The following NSMCE1 variants were observed in gnomAD, a reference collection of about 807,000 sequenced individuals.
NSMCE1 encodes the protein non-structural maintenance of chromosomes element 1 homolog.
Under a neutral mutation model 29.6 loss-of-function variants are expected in NSMCE1, and 18 were observed. That is an observed-to-expected ratio of 0.61 (90% CI 0.42 to 0.90). The LOEUF (loss-of-function observed/expected upper bound fraction) is 0.90, where lower values mean the gene tolerates loss of function less well. Ranked by LOEUF, NSMCE1 falls within the 40% of genes least tolerant of loss-of-function variation. The pLI is 0.00. For synonymous variants in NSMCE1, 124 were observed against 133.4 expected (o/e 0.93, Z 0.49); for missense variants, 314 against 343.6 (o/e 0.91, Z 0.68).
intron 2 of NSMCE1, among the ~76,000 whole-genome samples, chr16:27,251,198 A>ATG (rs2084030728): frequency 1.3e-5 from 1 of 79,812 alleles, no homozygotes; most frequent in African/African-American, 7.1e-5. Flanking sequence ...ATAAATATAT[A>ATG]TATATATATA....
rs1033710815 is a variant in NSMCE1, at chr16:27,251,451, A to T, written c.136+5984T>A. ...ATATTAATACTAAATCAACCCTGCA[A>T]AATCAGGATAAACCCTACTTGGTTA... On this transcript the variant is annotated intron_variant, in intron 2 of 7. Transcript: ENST00000361439. Among the ~76,000 whole-genome samples the T allele has an allele frequency of 2.0e-5, 3 of 152,170 alleles. No homozygotes were observed. In the South Asian group the frequency reaches 6.2e-4, roughly 32 times the overall value.
chr16:27,238,682 C>G (rs1182689085), intron 2 of NSMCE1, among the ~76,000 whole-genome samples: 2 of 151,886 alleles, frequency 1.3e-5, no homozygotes, highest in Non-Finnish European at 1.5e-5. Context: ...GACAGAGAAC[C>G]CCTATCAGCC....
rs560702852 is a variant in NSMCE1, at chr16:27,256,203, G to A, written c.136+1232C>T. ...TTCTTTTGAAAATTAAAAATACAGA[G>A]AGAAAGGCAGAATAAGGCAGAATAA... is the stretch of plus-strand genomic sequence containing the variant. On this transcript the variant is annotated intron_variant, in intron 2 of 7. Coordinates refer to ENST00000361439, the MANE Select transcript of NSMCE1 (RefSeq NM_145080.4). Among the ~76,000 whole-genome samples, 40 of 152,178 alleles carry A rather than the reference G, an allele frequency of 2.6e-4. No individual in the cohort carries two copies. The South Asian group carries it at 7.5e-3, about 28-fold the overall frequency.
intron 2 of NSMCE1, among the ~76,000 whole-genome samples, chr16:27,253,008 G>A (rs1390460999): frequency 6.6e-6 from 1 of 152,116 alleles, no homozygotes; most frequent in Non-Finnish European, 1.5e-5. Context: ...GCGTTGAGAC[G>A]GTGGTGCAAG....
intron 1 of NSMCE1, chr16:27,266,176 C>A: frequency 6.5e-6 from 1 of 152,700 alleles, no homozygotes; most frequent in South Asian, 2.0e-4. Flanking sequence ...AGTTTAAGAC[C>A]AGCCTGGGCA....
intron 2 of NSMCE1, among the ~76,000 whole-genome samples, chr16:27,236,292 C>CTT (rs35108912): frequency 3.4e-3 from 315 of 92,042 alleles, no homozygotes; most frequent in Middle Eastern, 0.013. Flanking sequence ...TGCTGTGAAA[C>CTT]TTTTTTTTTT....
Position 27,225,801 on chromosome 16 carries a change from C to T in NSMCE1, c.646G>A (p.Val216Met), listed in dbSNP as rs368079529. The change falls in exon 7 of 8, where the codon GTG (valine) becomes ATG (methionine). Residue 216 changes from valine to methionine, a missense_variant. Transcript: ENST00000361439. ...TCGIRMHLPC[V>M]AKYFQSNAEP... ...GCATTCGACTGGAAGTACTTGGCCACGCAGGGTAAGTGCATCCTGATCCCA... is the reference window on the plus strand; with the variant it reads ...GCATTCGACTGGAAGTACTTGGCCATGCAGGGTAAGTGCATCCTGATCCCA... The T allele has an allele frequency of 2.5e-5, 40 of 1,614,020 alleles. No individual in the cohort carries two copies. The highest frequency in any genetic ancestry group is 1.2e-4 in the South Asian group (11 of 91,086).
intron 5 of NSMCE1, among the ~76,000 whole-genome samples, chr16:27,231,524 C>G (rs2083762042): frequency 6.6e-6 from 1 of 152,080 alleles, no homozygotes; most frequent in African/African-American, 2.4e-5. Flanking sequence ...GTGATTCCAG[C>G]TACTTGGGAG....
intron 2 of NSMCE1, among the ~76,000 whole-genome samples, chr16:27,255,244 A>G (rs2084074543): frequency 1.3e-5 from 2 of 152,130 alleles, no homozygotes; most frequent in Admixed American, 1.3e-4. Flanking sequence ...CTTTCAATAC[A>G]AAAGTCTCTC....
At chr16:27,244,352 A>T (rs1161911093) in intron 2 of NSMCE1, among the ~76,000 whole-genome samples, 1 of 152,106 alleles carries the variant, frequency 6.6e-6, no homozygotes, top group East Asian at 1.9e-4. Flanking sequence ...TTCCCCACTC[A>T]CTACAGTCTG....
In NSMCE1 at chr16:27,226,730, A is replaced by C. The variant is rs1213649131; in HGVS notation, c.590T>G (p.Leu197Arg). The change falls in exon 6 of 8, where the codon CTC becomes CGC. Residue 197 changes from leucine (L) to arginine (R), a missense_variant. Physicochemically the swap from Leu to Arg is moderately radical, Grantham distance 102. Transcript: ENST00000361439. ...CTGCCCTGCGGGTACCTGGATGAGGAGGCTGTGACAGATATTGCAGATCTT... is the reference window on the plus strand; with the variant it reads ...CTGCCCTGCGGGTACCTGGATGAGGCGGCTGTGACAGATATTGCAGATCTT... ...AVKICNICHS[L>R]LIQGQSCETC... 6.2e-7 allele frequency: 1 copy of C among 1,609,306 alleles called. No individual in the cohort carries two copies. The highest frequency in any genetic ancestry group is 8.5e-7 in the Non-Finnish European group (1 of 1,175,760).
At chr16:27,249,301 C>T (rs1444520013) in intron 2 of NSMCE1, among the ~76,000 whole-genome samples, 2 of 152,194 alleles carry the variant, frequency 1.3e-5, no homozygotes, top group South Asian at 2.1e-4. Context: ...TTCAATTTAT[C>T]GATTCATTCT....
chr16:27,249,009 T>C (rs1374383341), intron 2 of NSMCE1, among the ~76,000 whole-genome samples: 1 of 152,096 alleles, frequency 6.6e-6, no homozygotes, highest in Non-Finnish European at 1.5e-5. Flanking sequence ...TTGTATTTTT[T>C]TGTAGAGACG....
intron 2 of NSMCE1, among the ~76,000 whole-genome samples, chr16:27,257,071 G>C (rs1441221898): frequency 6.6e-6 from 1 of 152,006 alleles, no homozygotes; most frequent in Non-Finnish European, 1.5e-5. Context: ...CCACTGTCTT[G>C]TACATATCAT....
chr16:27,257,963 T>G (rs1329474125), intron 1 of NSMCE1: 1 of 157,076 alleles, frequency 6.4e-6, no homozygotes, highest in Non-Finnish European at 1.4e-5. Flanking sequence ...GGTAACACAG[T>G]AAGCACTAAA....
At chr16:27,236,821 G>A (rs1289498227) in intron 2 of NSMCE1, among the ~76,000 whole-genome samples, 1 of 152,168 alleles carries the variant, frequency 6.6e-6, no homozygotes, top group Non-Finnish European at 1.5e-5. Flanking sequence ...CTGGACTGAC[G>A]ACCAAGGCCA....
intron 2 of NSMCE1, chr16:27,241,994 C>A (rs753449655): frequency 4.1e-5 from 14 of 344,816 alleles, no homozygotes; most frequent in Non-Finnish European, 7.7e-5. Flanking sequence ...GAAAAAAATT[C>A]TTACATATAC....
At chr16:27,249,862 C>G (rs899045932) in intron 2 of NSMCE1, among the ~76,000 whole-genome samples, 1 of 152,180 alleles carries the variant, frequency 6.6e-6, no homozygotes, top group Non-Finnish European at 1.5e-5. Flanking sequence ...AGAATTGATA[C>G]CTTAACAATA....
intron 2 of NSMCE1, among the ~76,000 whole-genome samples, chr16:27,240,255 A>G (rs915035792): frequency 2.6e-5 from 4 of 152,188 alleles, no homozygotes; most frequent in Non-Finnish European, 5.9e-5. Flanking sequence ...AGTCACCAAG[A>G]GAGACTGGGC....
Sources: gnomAD v4.1 joint callset for allele counts (sites outside exome capture counted in the v4.1 genomes callset) on GRCh38, gnomAD v4.1.1 for gene constraint, MANE v1.5 for transcripts, NCBI Gene and HGNC (gene_info 2026-07-23, HGNC 2026-07-21) for gene names.